The following CEP112 variants were observed in gnomAD, a reference collection of about 807,000 sequenced individuals.
CEP112 encodes centrosomal protein of 112 kDa.
In CEP112, 127 loss-of-function variants were observed where a neutral mutation model predicts 153.0. The observed-to-expected ratio is 0.83, with a 90% confidence interval of 0.72 to 0.96. The LOEUF (loss-of-function observed/expected upper bound fraction) is 0.96. CEP112 is among the 40% of genes least tolerant of loss of function. The pLI is 0.00. For missense variants in CEP112, 1,089 were observed against 1,101.2 expected (o/e 0.99, Z 0.16); for synonymous variants, 358 against 374.4 (o/e 0.96, Z 0.51).
intron 12 of CEP112, among the ~76,000 whole-genome samples, chr17:66,050,435 G>A (rs2066391985): frequency 1.3e-5 from 2 of 152,132 alleles, no homozygotes. Context: ...TGTGCCTGAA[G>A]TCTCCCAATC....
intron 4 of CEP112, among the ~76,000 whole-genome samples, chr17:66,141,178 CTGATT>C (rs909355407): frequency 2.7e-5 from 4 of 149,602 alleles, no homozygotes; most frequent in Admixed American, 6.6e-5. Context: ...TTCTAATTCA[CTGATT>C]TGATTTTCTG....
chr17:65,692,609 C>G (rs2048166060), intron 23 of CEP112, among the ~76,000 whole-genome samples: 2 of 152,170 alleles, frequency 1.3e-5, no homozygotes, highest in Non-Finnish European at 2.9e-5. Context: ...CCACTCTGTA[C>G]TGATTTTCTC....
At chr17:65,642,476 G>T (rs532304868) in intron 24 of CEP112, among the ~76,000 whole-genome samples, 76 of 152,108 alleles carry the variant, frequency 5.0e-4, no homozygotes, top group African/African-American at 1.8e-3. Flanking sequence ...AAATCCTGTG[G>T]CCACTGTTAT....
chr17:66,092,771 C>A (rs2068192160), intron 8 of CEP112, among the ~76,000 whole-genome samples: 1 of 152,040 alleles, frequency 6.6e-6, no homozygotes, highest in Non-Finnish European at 1.5e-5. Flanking sequence ...GGATAAAAAC[C>A]ATATAATCAT....
chr17:65,687,790 C>T (rs765157676), intron 24 of CEP112, among the ~76,000 whole-genome samples: 6 of 152,180 alleles, frequency 3.9e-5, no homozygotes, highest in Non-Finnish European at 7.3e-5. Flanking sequence ...AAAACCTTCC[C>T]TATCAGCCTT....
At chr17:66,118,451 C>A (rs1185666627) in intron 6 of CEP112, among the ~76,000 whole-genome samples, 1 of 151,876 alleles carries the variant, frequency 6.6e-6, no homozygotes, top group African/African-American at 2.4e-5. Flanking sequence ...AAGGCAAGCA[C>A]AGAAAGACAA....
At chr17:65,970,023 G>A (rs931563227) in intron 17 of CEP112, among the ~76,000 whole-genome samples, 4 of 152,046 alleles carry the variant, frequency 2.6e-5, no homozygotes, top group Admixed American at 2.6e-4. Context: ...TTGCGAACAT[G>A]CACGCCACAT....
chr17:66,109,324 T>C (rs1397107373), intron 6 of CEP112, among the ~76,000 whole-genome samples: 1 of 152,180 alleles, frequency 6.6e-6, no homozygotes, highest in African/African-American at 2.4e-5. Flanking sequence ...CAGATACCCA[T>C]TTATCCTGAT....
rs768022100 is a variant in CEP112, at chr17:65,750,703, T to A, written c.2416A>T (p.Ile806Phe). 6 of 1,613,964 alleles carry A rather than the reference T, an allele frequency of 3.7e-6. No homozygotes were observed. The South Asian group carries it at 6.6e-5, about 18-fold the overall frequency. Residue 806 changes from isoleucine to phenylalanine, a missense_variant, in exon 22 of 27, where the codon ATT (isoleucine) becomes TTT (phenylalanine). Ile to Phe is a conservative substitution (Grantham distance 21). Coordinates refer to ENST00000535342, the MANE Select transcript of CEP112 (RefSeq NM_001199165.4). ...LEKANSKLKQ[I>F]EKEYTQKLAK... ...AGCTTCTGAGTGTATTCCTTCTCAA[T>A]CTGCTTCAGCTTGCTGTTGGCCTGA...
intron 21 of CEP112, among the ~76,000 whole-genome samples, chr17:65,820,361 T>C (rs1190108385): frequency 2.0e-5 from 3 of 152,100 alleles, no homozygotes; most frequent in African/African-American, 7.2e-5. Context: ...ACTAGATAGT[T>C]TTCTAGTTCT....
chr17:65,776,509 G>A (rs547416524), intron 21 of CEP112, among the ~76,000 whole-genome samples: 5 of 152,336 alleles, frequency 3.3e-5, no homozygotes, highest in African/African-American at 1.2e-4. Flanking sequence ...ACAGGCGTGA[G>A]CCACCGTGCC....
chr17:66,006,819 TG>T (rs964466266), intron 16 of CEP112, among the ~76,000 whole-genome samples: 31 of 152,188 alleles, frequency 2.0e-4, no homozygotes, highest in African/African-American at 6.3e-4. Context: ...AGTTACTTGG[TG>T]GGGTGGGAAA....
chr17:66,013,731 C>T (rs1044325884), intron 16 of CEP112, among the ~76,000 whole-genome samples: 1 of 152,212 alleles, frequency 6.6e-6, no homozygotes, highest in South Asian at 2.1e-4. Context: ...AGTGGTAGTA[C>T]ACCAGGGTTC....
intron 4 of CEP112, among the ~76,000 whole-genome samples, chr17:66,164,461 G>A (rs1191742830): frequency 6.6e-6 from 1 of 151,790 alleles, no homozygotes; most frequent in Non-Finnish European, 1.5e-5. Context: ...GGGAGGCTGG[G>A]GCAGGAGAAT....
chr17:65,965,349 C>T (rs553007198), intron 17 of CEP112, among the ~76,000 whole-genome samples: 1 of 152,158 alleles, frequency 6.6e-6, no homozygotes, highest in Non-Finnish European at 1.5e-5. Context: ...ATTATAAGCA[C>T]AGGGAAATAT....
At chr17:65,982,359 G>T (rs552547476) in intron 17 of CEP112, among the ~76,000 whole-genome samples, 8 of 152,108 alleles carry the variant, frequency 5.3e-5, no homozygotes, top group Non-Finnish European at 1.0e-4. Context: ...AAATATCCCC[G>T]AAGTAGAGAA....
At chr17:66,176,793 T>C (rs2072493894) in intron 3 of CEP112, 37 bp downstream of exon 3, 1 of 1,481,882 alleles carries the variant, frequency 6.7e-7, no homozygotes. Flanking sequence ...TTTTTTTAAA[T>C]GAAACTAATA....
chr17:65,930,842 A>C (rs1258471746), intron 18 of CEP112, among the ~76,000 whole-genome samples: 1 of 137,992 alleles, frequency 7.2e-6, no homozygotes, highest in Non-Finnish European at 1.6e-5. Context: ...TCATACTATC[A>C]GTAGGTCTTT....
At chr17:65,699,254 C>T (rs1313097440) in intron 23 of CEP112, among the ~76,000 whole-genome samples, 1 of 152,322 alleles carries the variant, frequency 6.6e-6, no homozygotes, top group South Asian at 2.1e-4. Flanking sequence ...GTTATTTACA[C>T]TACGGTAATG....
Sources: allele counts gnomAD v4.1 joint callset (sites outside exome capture counted in the v4.1 genomes callset), GRCh38; gene constraint gnomAD v4.1.1; transcripts MANE v1.5; gene names NCBI Gene and HGNC (gene_info 2026-07-23, HGNC 2026-07-21).